Variants in HLCS observed in about 807,000 individuals in gnomAD.
The protein encoded by HLCS is holocarboxylase synthetase, also known as biotin--protein ligase.
In HLCS, 53 loss-of-function variants were observed where a neutral mutation model predicts 75.0. That is an observed-to-expected ratio of 0.71 (90% CI 0.57 to 0.89). The LOEUF is 0.89. HLCS is among the 40% of genes least tolerant of loss of function. The pLI, the probability that HLCS is intolerant of heterozygous loss-of-function variation, is 0.00. For missense variants in HLCS, 966 were observed against 1,074.0 expected (o/e 0.90, Z 1.41); for synonymous variants, 431 against 428.6 (o/e 1.01, Z -0.07).
At chr21:36,942,695 A>G (rs995012350) in intron 2 of HLCS, among the ~76,000 whole-genome samples, 2 of 152,150 alleles carry the variant, frequency 1.3e-5, no homozygotes, top group Non-Finnish European at 2.9e-5. Context: ...ACAACACAGA[A>G]AAATAGGAGA....
At chr21:36,934,236 C>T (rs950612794) in intron 4 of HLCS, among the ~76,000 whole-genome samples, 79 of 152,060 alleles carry the variant, frequency 5.2e-4, no homozygotes, top group Middle Eastern at 6.8e-3. Context: ...GACCGAAAAC[C>T]GGAACTAAAA....
At chr21:36,807,959 A>G (rs550818394) in intron 6 of HLCS, among the ~76,000 whole-genome samples, 1 of 152,206 alleles carries the variant, frequency 6.6e-6, no homozygotes. Flanking sequence ...AAGTGTATAA[A>G]ATGAAACACT....
Position 36,856,640 on chromosome 21 carries a change from T to A in HLCS, c.1892+40220A>T, listed in dbSNP as rs371687886. Among the ~76,000 whole-genome samples the A allele has an allele frequency of 7.9e-5, 12 of 151,648 alleles. No homozygotes were observed. The East Asian group carries it at 1.7e-3, about 22-fold the overall frequency. ...CTGTTCTAGGAAGTATATCATCAGGTAAGGTAACACAGTCCCCCCAGCAAC... is the reference window on the plus strand; with the variant it reads ...CTGTTCTAGGAAGTATATCATCAGGAAAGGTAACACAGTCCCCCCAGCAAC... On this transcript the variant is annotated intron_variant, in intron 6 of 10. Coordinates refer to ENST00000674895, the MANE Select transcript of HLCS (RefSeq NM_001352514.2).
intron 6 of HLCS, among the ~76,000 whole-genome samples, chr21:36,883,840 C>A (rs2064332831): frequency 6.6e-6 from 1 of 152,178 alleles, no homozygotes; most frequent in African/African-American, 2.4e-5. Context: ...CATGGCTGAA[C>A]AACGGATGAA....
intron 2 of HLCS, among the ~76,000 whole-genome samples, 175 bp downstream of exon 2, chr21:36,961,861 T>G (rs1202893125): frequency 6.7e-6 from 1 of 148,552 alleles, no homozygotes; most frequent in Non-Finnish European, 1.5e-5. Context: ...GGCTGAGGCA[T>G]GAGAATCACT....
chr21:36,753,832 C>T lies in HLCS; in HGVS notation c.*414G>A. 2 of 308,082 alleles carry T rather than the reference C, an allele frequency of 6.5e-6. No homozygotes were observed. Among genetic ancestry groups the T allele is most frequent in the Admixed American group, 4.9e-5 (1 of 20,466 alleles). 19.1% of individuals were successfully genotyped at this position (308,082 alleles called of 1,614,324 possible). Reference sequence around the variant, plus strand: ...ATGCTTACAAACAGTGATAGCATACCTCTAACTCACCACTGGCCTGGGCGC... The same window carrying T: ...ATGCTTACAAACAGTGATAGCATACTTCTAACTCACCACTGGCCTGGGCGC... On this transcript the variant is annotated 3_prime_UTR_variant, in exon 11 of 11. Transcript: ENST00000674895. The surrounding 1 kb of genome is among the most constrained non-coding windows in gnomAD (Gnocchi z 4.3).
At chr21:36,974,268 C>T (rs1057300771) in intron 1 of HLCS, 6 of 152,350 alleles carry the variant, frequency 3.9e-5, no homozygotes, top group African/African-American at 7.2e-5. Context: ...ACCTCCAGCC[C>T]AACGCCCCAT....
chr21:36,880,808 C>T (rs766983249), intron 6 of HLCS, among the ~76,000 whole-genome samples: 1 of 152,148 alleles, frequency 6.6e-6, no homozygotes, highest in Non-Finnish European at 1.5e-5. Context: ...TCCACATCTG[C>T]CCAAACTCCC....
chr21:36,749,767 C>T lies in HLCS; in HGVS notation c.*4479G>A, dbSNP rs1477168862. ...TTTGATTACTAGGAGATACCACCGA[C>T]ATTTTTCAATAAAGTACTGCAAAAT... is the stretch of plus-strand genomic sequence containing the variant. On this transcript the variant is annotated 3_prime_UTR_variant, in exon 11 of 11. Coordinates refer to ENST00000674895, the MANE Select transcript of HLCS (RefSeq NM_001352514.2). 2.0e-5 allele frequency: 3 copies of T among 152,164 alleles called. No homozygotes were observed. Among genetic ancestry groups the T allele is most frequent in the Non-Finnish European group, 4.4e-5 (3 of 68,030 alleles). 9.4% of individuals were successfully genotyped at this position (152,164 alleles called of 1,614,324 possible). A position where few individuals can be genotyped will look rare whatever the true frequency, so the allele number is the denominator to read the frequency against.
intron 6 of HLCS, among the ~76,000 whole-genome samples, chr21:36,823,610 G>GGTTGTGTGTGTGTGT (rs1555901720): frequency 7.5e-5 from 10 of 132,726 alleles, no homozygotes; most frequent in African/African-American, 2.8e-4. Context: ...AAACGTGCAG[G>GGTTGTGTGTGTGTGT]GTGTGTGTGT....
chr21:36,899,800 T>C (rs1287198129), intron 5 of HLCS, among the ~76,000 whole-genome samples: 1 of 151,878 alleles, frequency 6.6e-6, no homozygotes, highest in Non-Finnish European at 1.5e-5. Context: ...TGCTATAATG[T>C]GGGAGTCAGA....
rs557509138 is a variant in HLCS at position 36,987,339 on chromosome 21, G to A, written c.-393+2819C>T. Among the ~76,000 whole-genome samples, 4 of 152,300 alleles carry A rather than the reference G, an allele frequency of 2.6e-5. No individual in the cohort carries two copies. The South Asian group carries it at 6.2e-4, about 24-fold the overall frequency. ...AGTCAAAATGAAAAGCAGGACAGGC[G>A]CAGTGGCTCACTCCTGTAATCCCAG... On this transcript the variant is annotated intron_variant, in intron 1 of 11. Transcript: ENST00000336648.
At chr21:36,958,222 GAC>G (rs1164725882) in intron 2 of HLCS, among the ~76,000 whole-genome samples, 2 of 144,942 alleles carry the variant, frequency 1.4e-5, no homozygotes, top group African/African-American at 5.1e-5. Flanking sequence ...CAGCCTGGGC[GAC>G]AGAGTGAGAC....
intron 6 of HLCS, among the ~76,000 whole-genome samples, chr21:36,780,009 C>T (rs9985116): frequency 0.54 from 81,704 of 151,934 alleles, 22,452 homozygotes; most frequent in South Asian, 0.61. Context: ...CCTTTTTGCA[C>T]AAATGAATGG....
intron 2 of HLCS, among the ~76,000 whole-genome samples, chr21:36,954,948 G>T: frequency 6.6e-6 from 1 of 152,102 alleles, no homozygotes; most frequent in Non-Finnish European, 1.5e-5. Context: ...TGTAATCCCA[G>T]CTACTTGGGA....
intron 1 of HLCS, among the ~76,000 whole-genome samples, chr21:36,989,221 G>A (rs1034798242): frequency 2.0e-5 from 3 of 150,854 alleles, no homozygotes; most frequent in Non-Finnish European, 2.9e-5. Flanking sequence ...TGTTGGCCAG[G>A]CTGGTCTCCA....
chr21:36,775,533 C>A (rs1226817822), intron 6 of HLCS, among the ~76,000 whole-genome samples: 2 of 152,234 alleles, frequency 1.3e-5, no homozygotes, highest in Non-Finnish European at 2.9e-5. Flanking sequence ...TGTACCTCAG[C>A]GGTAGCCCTG....
chr21:36,928,565 G>C (rs1418957671), intron 5 of HLCS, among the ~76,000 whole-genome samples: 2 of 152,088 alleles, frequency 1.3e-5, no homozygotes, highest in African/African-American at 2.4e-5. Flanking sequence ...GCAAGACCCT[G>C]CCTCAAAAAC....
chr21:36,895,761 T>G (rs1056956074), intron 6 of HLCS, among the ~76,000 whole-genome samples: 21 of 152,318 alleles, frequency 1.4e-4, no homozygotes, highest in African/African-American at 5.1e-4. Context: ...TCTAATCATG[T>G]GGTCCCATGA....
Sources: allele counts gnomAD v4.1 joint callset (sites outside exome capture counted in the v4.1 genomes callset), GRCh38; gene constraint gnomAD v4.1.1; non-coding constraint Gnocchi (gnomAD v3.1); transcripts MANE v1.5; gene names NCBI Gene and HGNC (gene_info 2026-07-23, HGNC 2026-07-21).